DAB2IP: variants seen among roughly 807,000 people sequenced by gnomAD.
DAB2IP encodes the protein disabled homolog 2-interacting protein.
In DAB2IP, 28 loss-of-function variants were observed where a neutral mutation model predicts 107.2. That is an observed-to-expected ratio of 0.26 (90% confidence interval 0.19 to 0.36). DAB2IP has a LOEUF of 0.36. DAB2IP is among the 10% of genes least tolerant of loss of function. The pLI is 1.00. For synonymous variants in DAB2IP, 755 were observed against 706.4 expected (o/e 1.07, Z -1.09); for missense variants, 1,400 against 1,644.7 (o/e 0.85, Z 2.57).
intron 9 of DAB2IP, among the ~76,000 whole-genome samples, chr9:121,768,212 C>T (rs980292626): frequency 1.3e-5 from 2 of 152,168 alleles, no homozygotes; most frequent in African/African-American, 2.4e-5. Flanking sequence ...CAGAACATTC[C>T]AGGTCCTGAG....
chr9:121,737,293 G>A, intron 3 of DAB2IP: 2 of 985,480 alleles, frequency 2.0e-6, no homozygotes, highest in Non-Finnish European at 2.4e-6. Flanking sequence ...GTTGTGCCAT[G>A]TGGTTACCTG....
Position 121,741,741 on chromosome 9 carries a change from T to C in DAB2IP, c.363-15272T>C, listed in dbSNP as rs185004472. ...CACTACCCAAGAGGCTAGTTTCCTG[T>C]TTGTGCCTCCAGCTATCCTGGGGCA... On this transcript the variant is annotated intron_variant, in intron 3 of 15. Coordinates refer to ENST00000408936, the Ensembl canonical transcript of DAB2IP. Among the ~76,000 whole-genome samples the C allele has an allele frequency of 5.4e-4, 82 of 151,594 alleles. 1 individual carries two copies. The highest frequency in any genetic ancestry group is 5.4e-3 in the Admixed American group (82 of 15,204).
rs763713745 is a variant in DAB2IP, at chr9:121,757,108, A to G, written c.458A>G (p.Glu153Gly). 3.1e-6 allele frequency: 5 copies of G among 1,614,088 alleles called. No homozygotes were observed. The South Asian group carries it at 3.3e-5, about 11-fold the overall frequency. ...GAGGCGCTGGACCTCAGCATGGAGG[A>G]AGAGGTGGTCATCAAGCCCGTGCAC... The change falls in exon 4 of 16, where the codon GAA becomes GGA. Residue 153 changes from glutamate (E) to glycine (G), a missense_variant. Glu to Gly is a moderately conservative substitution (Grantham distance 98). Around this residue, in one of 3 missense-constraint regions of DAB2IP, gnomAD observed 283 missense variants for 237.0 expected, o/e 1.19. Transcript: ENST00000408936.
intron 3 of DAB2IP, among the ~76,000 whole-genome samples, chr9:121,735,229 A>T (rs1369711227): frequency 6.6e-6 from 1 of 152,060 alleles, no homozygotes; most frequent in Non-Finnish European, 1.5e-5. Flanking sequence ...GACTGATGCA[A>T]ATGTGGGCAG....
intron 1 of DAB2IP, among the ~76,000 whole-genome samples, chr9:121,637,925 G>C (rs1349793594): frequency 1.3e-5 from 2 of 152,168 alleles, no homozygotes; most frequent in African/African-American, 4.8e-5. Flanking sequence ...CTGTGAGCCT[G>C]GCAGGTTCAT....
chr9:121,687,314 G>C (rs1828933005), intron 2 of DAB2IP, among the ~76,000 whole-genome samples: 1 of 152,194 alleles, frequency 6.6e-6, no homozygotes, highest in African/African-American at 2.4e-5. Flanking sequence ...CCCTGGTCAG[G>C]GACACTGGAT....
upstream of DAB2IP, among the ~76,000 whole-genome samples, chr9:121,648,101 A>G (rs1589449798): frequency 6.6e-6 from 1 of 151,978 alleles, no homozygotes; most frequent in East Asian, 1.9e-4. Flanking sequence ...GGACTCAGGG[A>G]ACGGGTGGAA....
chr9:121,624,454 C>T (rs554261489), intron 1 of DAB2IP, among the ~76,000 whole-genome samples: 4 of 152,356 alleles, frequency 2.6e-5, no homozygotes, highest in Admixed American at 2.6e-4. Context: ...GCTCAGTTTG[C>T]TCATCTGTAA....
intron 2 of DAB2IP, among the ~76,000 whole-genome samples, chr9:121,693,172 A>C (rs903909579): frequency 9.8e-5 from 15 of 152,310 alleles, no homozygotes; most frequent in African/African-American, 3.4e-4. Flanking sequence ...CAGGGGACCC[A>C]GGTTCTAATG....
At chr9:121,668,056 A>G (rs1833520788) in intron 1 of DAB2IP, among the ~76,000 whole-genome samples, 1 of 152,176 alleles carries the variant, frequency 6.6e-6, no homozygotes, top group Admixed American at 6.5e-5. Flanking sequence ...CCAGAACGCT[A>G]TGGGGAAACC....
intron 1 of DAB2IP, among the ~76,000 whole-genome samples, chr9:121,643,478 A>C (rs1589444515): frequency 1.3e-5 from 2 of 151,284 alleles, no homozygotes; most frequent in African/African-American, 2.4e-5. Flanking sequence ...CCCTGATCTC[A>C]CCCCTCACAT....
rs77699323 is a variant in DAB2IP, at chr9:121,715,778, C to A, written c.362+16320C>A. Among the ~76,000 whole-genome samples, 583 of 152,292 alleles carry A rather than the reference C, an allele frequency of 3.8e-3. 4 individuals carry two copies. Among genetic ancestry groups the A allele is most frequent in the African/African-American group, 0.013 (550 of 41,558 alleles). On this transcript the variant is annotated intron_variant, in intron 3 of 15. Coordinates refer to ENST00000408936, the Ensembl canonical transcript of DAB2IP. Reference sequence around the variant, plus strand: ...GTTGGTTTATTCCCTGCCTCTAATCCCAGCTGGACTGTCATCAGGTAGGGC... The same window carrying A: ...GTTGGTTTATTCCCTGCCTCTAATCACAGCTGGACTGTCATCAGGTAGGGC...
At chr9:121,766,408 G>C in intron 8 of DAB2IP, 86 bp from the exon 9 acceptor site, 1 of 1,309,228 alleles carries the variant, frequency 7.6e-7, no homozygotes, top group Non-Finnish European at 1.1e-6. Flanking sequence ...GTAGAGCCAA[G>C]GTTGGAATGC....
chr9:121,784,407 G>C (rs965700242), exon 16 of DAB2IP: 22 of 153,046 alleles, frequency 1.4e-4, no homozygotes, highest in Admixed American at 1.4e-3. Flanking sequence ...CTCGGACAGA[G>C]CCCCCCTAGC....
chr9:121,712,999 CT>C (rs1564173525), intron 3 of DAB2IP, among the ~76,000 whole-genome samples: 2 of 152,364 alleles, frequency 1.3e-5, no homozygotes, highest in Admixed American at 1.3e-4. Context: ...GGAGCGGCCC[CT>C]GCCCTTGGAG....
chr9:121,653,665 C>A (rs1832856009), intron 1 of DAB2IP, among the ~76,000 whole-genome samples: 1 of 152,102 alleles, frequency 6.6e-6, no homozygotes, highest in African/African-American at 2.4e-5. Flanking sequence ...CAGAAATGCC[C>A]TGTGTGACCT....
At chr9:121,739,350 G>C (rs746604386) in intron 3 of DAB2IP, among the ~76,000 whole-genome samples, 8 of 152,204 alleles carry the variant, frequency 5.3e-5, no homozygotes, top group Non-Finnish European at 1.0e-4. Flanking sequence ...AGAGTAGGTA[G>C]GTCATGACTG....
In DAB2IP at chr9:121,699,294, C is replaced by G. The variant is rs767694981; in HGVS notation, c.229-31C>G. The G allele has an allele frequency of 7.3e-7, 1 of 1,364,582 alleles. No individual in the cohort carries two copies. Among genetic ancestry groups the G allele is most frequent in the Non-Finnish European group, 9.6e-7 (1 of 1,039,638 alleles). The allele number at this position is 1,364,582 out of a possible 1,614,324, so 84.5% of individuals were successfully genotyped here. On this transcript the variant is annotated intron_variant, in intron 2 of 15. Coordinates refer to ENST00000408936, the Ensembl canonical transcript of DAB2IP. This position sits in a 1 kb window ranked among gnomAD's most constrained non-coding sequence, Gnocchi z 6.2. Reference sequence around the variant, plus strand: ...CGCCGCCGCCGCGCTAACCCCGCCTCCCCTTCCCCCTCTTGTCCCCCCGTG... The same window carrying G: ...CGCCGCCGCCGCGCTAACCCCGCCTGCCCTTCCCCCTCTTGTCCCCCCGTG...
At chr9:121,745,073 C>T (rs772973174) in intron 3 of DAB2IP, among the ~76,000 whole-genome samples, 2 of 152,184 alleles carry the variant, frequency 1.3e-5, no homozygotes, top group Non-Finnish European at 2.9e-5. Flanking sequence ...CTAGCTTAGC[C>T]TGGAGTCAGC....
Sources: gnomAD v4.1 joint callset for allele counts (sites outside exome capture counted in the v4.1 genomes callset) on GRCh38, gnomAD v4.1.1 for gene constraint, gnomAD v4.1.1 regional missense constraint, Gnocchi (gnomAD v3.1) non-coding constraint, MANE v1.5 for transcripts, NCBI Gene and HGNC (gene_info 2026-07-23, HGNC 2026-07-21) for gene names.